SDC2: variants seen among roughly 807,000 people sequenced by gnomAD.
SDC2 encodes the protein syndecan 2.
A neutral mutation model predicts 22.2 loss-of-function variants in SDC2; 13 were observed. The ratio of observed to expected loss-of-function variants is 0.59; its 90% confidence interval spans 0.38 to 0.93. SDC2 has a LOEUF of 0.93. Among genes scored for constraint, SDC2 ranks in the 40% least tolerant of loss-of-function variants. SDC2 has a pLI of 0.00. For missense variants in SDC2, 235 were observed against 246.8 expected (o/e 0.95, Z 0.32); for synonymous variants, 94 against 92.8 (o/e 1.01, Z -0.07).
intron 1 of SDC2, among the ~76,000 whole-genome samples, chr8:96,563,161 T>G (rs1814239545): frequency 6.6e-6 from 1 of 152,196 alleles, no homozygotes; most frequent in Non-Finnish European, 1.5e-5. Context: ...TTTGAAACCT[T>G]ATAAATCTCT....
intron 1 of SDC2, among the ~76,000 whole-genome samples, chr8:96,547,248 T>C (rs1299791852): frequency 6.6e-6 from 1 of 152,262 alleles, no homozygotes; most frequent in Non-Finnish European, 1.5e-5. Context: ...GATGTTTACC[T>C]ACTGTTGAAA....
At chr8:96,511,353 G>T (rs1051272001) in intron 1 of SDC2, among the ~76,000 whole-genome samples, 4 of 152,136 alleles carry the variant, frequency 2.6e-5, no homozygotes, top group Non-Finnish European at 5.9e-5. Context: ...AGCAGTGTGG[G>T]CATCACCTGG....
chr8:96,570,742 C>T (rs1293556490), intron 1 of SDC2, among the ~76,000 whole-genome samples: 1 of 152,102 alleles, frequency 6.6e-6, no homozygotes, highest in Non-Finnish European at 1.5e-5. Context: ...ATAATTTTTA[C>T]ATTGATTATA....
chr8:96,494,095 G>T lies in SDC2; in HGVS notation c.-177G>T. 1.7e-6 allele frequency: 1 copy of T among 593,226 alleles called. No homozygotes were observed. The highest frequency in any genetic ancestry group is 2.9e-6 in the Non-Finnish European group (1 of 349,954). 36.7% of individuals were successfully genotyped at this position (593,226 alleles called of 1,614,324 possible). Reference sequence around the variant, plus strand: ...GCAGCTGCGGGCGGCGGGAGCAGGCGCAGGAGGAGGAAGCGAGCGCCCCCG... The same window carrying T: ...GCAGCTGCGGGCGGCGGGAGCAGGCTCAGGAGGAGGAAGCGAGCGCCCCCG... On this transcript the variant is annotated 5_prime_UTR_variant, in exon 1 of 5. Coordinates refer to ENST00000302190, the MANE Select transcript of SDC2 (RefSeq NM_002998.4).
At chr8:96,571,559 G>A (rs1814395497) in intron 1 of SDC2, among the ~76,000 whole-genome samples, 1 of 152,196 alleles carries the variant, frequency 6.6e-6, no homozygotes, top group Admixed American at 6.5e-5. Context: ...TTGTGGTTCT[G>A]GGGTTTGATT....
chr8:96,511,785 T>C (rs1038081638), intron 1 of SDC2, among the ~76,000 whole-genome samples: 13 of 146,334 alleles, frequency 8.9e-5, no homozygotes, highest in Non-Finnish European at 1.9e-4. Flanking sequence ...AAGAGGCTTA[T>C]GTGATTTTTT....
chr8:96,506,325 G>T (rs780943856), intron 1 of SDC2, among the ~76,000 whole-genome samples: 11 of 152,134 alleles, frequency 7.2e-5, no homozygotes, highest in Non-Finnish European at 8.8e-5. Flanking sequence ...ATTTCAACCA[G>T]TCTTGATTCT....
At chr8:96,520,574 C>T (rs1485469338) in intron 1 of SDC2, among the ~76,000 whole-genome samples, 1 of 152,146 alleles carries the variant, frequency 6.6e-6, no homozygotes, top group Non-Finnish European at 1.5e-5. Flanking sequence ...TAAGTATTTG[C>T]TTCTGGAGAG....
chr8:96,559,546 T>C (rs1814173646), intron 1 of SDC2, among the ~76,000 whole-genome samples: 1 of 152,206 alleles, frequency 6.6e-6, no homozygotes, highest in African/African-American at 2.4e-5. Context: ...CTGGTATAAT[T>C]TGCTGCTTAT....
chr8:96,540,766 A>G (rs763531202), intron 1 of SDC2, among the ~76,000 whole-genome samples: 1 of 152,238 alleles, frequency 6.6e-6, no homozygotes, highest in Non-Finnish European at 1.5e-5. Flanking sequence ...GCCTTCATGA[A>G]GTAGGTTTTA....
At chr8:96,583,680 A>AAT (rs1405332846) in intron 1 of SDC2, among the ~76,000 whole-genome samples, 6 of 129,868 alleles carry the variant, frequency 4.6e-5, no homozygotes, top group African/African-American at 1.3e-4. Context: ...ATGTATTTGA[A>AAT]ATATATGTGT....
intron 1 of SDC2, among the ~76,000 whole-genome samples, chr8:96,592,882 G>A (rs1451182950): frequency 1.3e-5 from 2 of 152,174 alleles, no homozygotes; most frequent in African/African-American, 2.4e-5. Flanking sequence ...GCTCCTCTCC[G>A]GGCACTGTGG....
At chr8:96,560,958 T>C (rs1814199584) in intron 1 of SDC2, among the ~76,000 whole-genome samples, 2 of 151,966 alleles carry the variant, frequency 1.3e-5, no homozygotes, top group Non-Finnish European at 1.5e-5. Context: ...ATACAAAAAT[T>C]AGCTGGGCAT....
chr8:96,499,582 T>C (rs982851089), intron 1 of SDC2, among the ~76,000 whole-genome samples: 22 of 152,192 alleles, frequency 1.4e-4, no homozygotes, highest in African/African-American at 5.1e-4. Context: ...CCACTTAATG[T>C]GTCAGAACTT....
chr8:96,575,779 T>C (rs1209493415), intron 1 of SDC2, among the ~76,000 whole-genome samples: 1 of 152,228 alleles, frequency 6.6e-6, no homozygotes, highest in Non-Finnish European at 1.5e-5. Flanking sequence ...TTTAGCTATC[T>C]GAATACGTGA....
At chr8:96,590,030 T>C (rs554642578) in intron 1 of SDC2, among the ~76,000 whole-genome samples, 1 of 152,342 alleles carries the variant, frequency 6.6e-6, no homozygotes, top group South Asian at 2.1e-4. Context: ...ATGGAGGCAG[T>C]GTAGTGCTTC....
intron 1 of SDC2, chr8:96,537,198 G>A (rs1268204733): frequency 6.6e-6 from 1 of 152,160 alleles, no homozygotes; most frequent in Non-Finnish European, 1.5e-5. Context: ...ATTGTACTGT[G>A]ACAATAAGGT....
intron 1 of SDC2, among the ~76,000 whole-genome samples, chr8:96,554,380 G>A (rs772737198): frequency 5.9e-5 from 9 of 151,886 alleles, no homozygotes; most frequent in Admixed American, 2.0e-4. Flanking sequence ...TAGGCTATTC[G>A]TGTAAAACTA....
At position 96,494,080 on chromosome 8, in the gene SDC2, G is replaced by A. The variant is rs1813005656; in HGVS notation, c.-192G>A. 5.3e-6 allele frequency: 3 copies of A among 565,674 alleles called. No individual in the cohort carries two copies. The South Asian group carries it at 6.9e-5, about 13-fold the overall frequency. The allele number at this position is 565,674 out of a possible 1,614,324, so 35.0% of individuals were successfully genotyped here. A position where few individuals can be genotyped will look rare whatever the true frequency, so the allele number is the denominator to read the frequency against. On this transcript the variant is annotated 5_prime_UTR_variant, in exon 1 of 5. Coordinates refer to ENST00000302190, the MANE Select transcript of SDC2 (RefSeq NM_002998.4). ...CCGCGTTCCCGGGGCGCAGCTGCGG[G>A]CGGCGGGAGCAGGCGCAGGAGGAGG...
Sources: allele counts gnomAD v4.1 joint callset (sites outside exome capture counted in the v4.1 genomes callset), GRCh38; gene constraint gnomAD v4.1.1; transcripts MANE v1.5; gene names NCBI Gene and HGNC (gene_info 2026-07-23, HGNC 2026-07-21).